The following NBN variants were observed in gnomAD, a reference collection of about 807,000 sequenced individuals.
NBN encodes Nijmegen breakage syndrome 1 (nibrin).
In NBN, 88 loss-of-function variants were observed where a neutral mutation model predicts 90.8. The ratio of observed to expected loss-of-function variants is 0.97; its 90% CI spans 0.82 to 1.16. The LOEUF is 1.16. Among genes scored for constraint, NBN ranks in the 50% most tolerant of loss-of-function variants. The pLI is 0.00. For missense variants in NBN, 894 were observed against 869.6 expected (o/e 1.03, Z -0.35); for synonymous variants, 328 against 295.1 (o/e 1.11, Z -1.14).
chr8:89,934,809 A>G lies in NBN; in HGVS notation c.*773T>C, dbSNP rs1158643429. On this transcript the variant is annotated 3_prime_UTR_variant, in exon 16 of 16. Coordinates refer to ENST00000265433, the MANE Select transcript of NBN (RefSeq NM_002485.5). ...GGTAGAAAAAGAAAACAATCTCACC[A>G]TTTCTACTTTATAAGTAGGAAAACT... 1.3e-5 allele frequency: 3 copies of G among 232,974 alleles called. No homozygotes were observed. The highest frequency in any genetic ancestry group is 2.5e-5 in the Non-Finnish European group (3 of 117,940). 14.4% of individuals were successfully genotyped at this position (232,974 alleles called of 1,614,324 possible).
At chr8:89,955,950 T>C (rs1325845784) in intron 9 of NBN, among the ~76,000 whole-genome samples, 2 of 151,746 alleles carry the variant, frequency 1.3e-5, no homozygotes, top group African/African-American at 4.8e-5. Flanking sequence ...TATTTATTAT[T>C]ATATTATTAT....
At chr8:89,955,139 A>G in intron 10 of NBN, 144 bp downstream of exon 10, 2 of 749,410 alleles carry the variant, frequency 2.7e-6, no homozygotes, top group East Asian at 2.6e-5. Flanking sequence ...GATCAGGGAC[A>G]TTTCTGAGAG....
At chr8:89,955,949 T>G (rs1284180313) in intron 9 of NBN, among the ~76,000 whole-genome samples, 1 of 151,758 alleles carries the variant, frequency 6.6e-6, no homozygotes, top group African/African-American at 2.4e-5. Context: ...TTATTTATTA[T>G]TATATTATTA....
chr8:89,944,564 T>C (rs1810102801), intron 13 of NBN, among the ~76,000 whole-genome samples: 1 of 152,148 alleles, frequency 6.6e-6, no homozygotes, highest in South Asian at 2.1e-4. Context: ...CTGTTGTCGG[T>C]AAATTCTTTT....
chr8:89,937,759 T>G (rs1809759918), intron 14 of NBN, among the ~76,000 whole-genome samples: 1 of 152,144 alleles, frequency 6.6e-6, no homozygotes, highest in Non-Finnish European at 1.5e-5. Flanking sequence ...CCATTTTACT[T>G]TCCTAATCAC....
At chr8:89,954,738 C>A (rs1037057056) in intron 10 of NBN, among the ~76,000 whole-genome samples, 1 of 151,996 alleles carries the variant, frequency 6.6e-6, no homozygotes, top group Admixed American at 6.6e-5. Flanking sequence ...AAGAAGTCCT[C>A]CAAAGTTCAT....
At chr8:89,944,480 C>T (rs925028506) in intron 13 of NBN, among the ~76,000 whole-genome samples, 1 of 152,220 alleles carries the variant, frequency 6.6e-6, no homozygotes, top group African/African-American at 2.4e-5. Flanking sequence ...GCTCAGTCCT[C>T]TCGCTGAGGC....
At chr8:89,958,576 C>T in intron 9 of NBN, 149 bp downstream of exon 9, 1 of 1,002,886 alleles carries the variant, frequency 1.0e-6, no homozygotes, top group Non-Finnish European at 1.5e-6. Context: ...ACCTGCTGAC[C>T]CTTGTCCTAA....
In NBN at chr8:89,940,036, C is replaced by T. The variant is rs375081053; in HGVS notation, c.2185-2961G>A. Among the ~76,000 whole-genome samples the T allele has an allele frequency of 3.5e-4, 53 of 152,174 alleles. 1 individual carries two copies. In the East Asian group the frequency reaches 6.0e-3, roughly 17 times the overall value. On this transcript the variant is annotated intron_variant, in intron 14 of 15. Transcript: ENST00000265433. ...GCCACTGACTGTTTCAGCATAATGCCATACTGACAGTGAGGCATGAGGGAA... is the reference window on the plus strand; with the variant it reads ...GCCACTGACTGTTTCAGCATAATGCTATACTGACAGTGAGGCATGAGGGAA...
chr8:89,984,059 T>G, intron 1 of NBN: 1 of 176,228 alleles, frequency 5.7e-6, no homozygotes, highest in Non-Finnish European at 1.2e-5. Context: ...GGAAAAGGAG[T>G]CTGAAACAAA....
At chr8:89,940,812 TAAC>T (rs1809906301) in intron 14 of NBN, among the ~76,000 whole-genome samples, 1 of 152,110 alleles carries the variant, frequency 6.6e-6, no homozygotes, top group Non-Finnish European at 1.5e-5. Context: ...AGAACCATAA[TAAC>T]AGCCTTTCAG....
chr8:89,972,926 GCTTT>G (rs1811582806), intron 5 of NBN, among the ~76,000 whole-genome samples: 1 of 152,206 alleles, frequency 6.6e-6, no homozygotes. Flanking sequence ...ATTATCTACA[GCTTT>G]CTATTATTCA....
chr8:89,941,729 G>T (rs1052464750), intron 14 of NBN, among the ~76,000 whole-genome samples: 2 of 152,034 alleles, frequency 1.3e-5, no homozygotes, highest in African/African-American at 4.8e-5. Context: ...CATTCTTTGT[G>T]TACTGCCATA....
intron 1 of NBN, among the ~76,000 whole-genome samples, chr8:89,983,078 TAAC>T (rs1812154280): frequency 6.6e-6 from 1 of 151,274 alleles, no homozygotes; most frequent in African/African-American, 2.4e-5. Flanking sequence ...GTTTCAGGAG[TAAC>T]AACAACAAAA....
intron 13 of NBN, 138 bp from the exon 14 acceptor site, chr8:89,943,504 G>A: frequency 1.1e-6 from 1 of 881,458 alleles, no homozygotes; most frequent in Non-Finnish European, 1.8e-6. Context: ...AAAAGTGAGA[G>A]CAGTAACTCT....
chr8:89,978,994 T>G (rs1586103181), intron 4 of NBN, among the ~76,000 whole-genome samples: 1 of 152,248 alleles, frequency 6.6e-6, no homozygotes, highest in Admixed American at 6.5e-5. Flanking sequence ...TTTTTTATTT[T>G]TGAGACAGGG....
intron 7 of NBN, among the ~76,000 whole-genome samples, chr8:89,965,024 G>C (rs1190154597): frequency 6.6e-6 from 1 of 152,010 alleles, no homozygotes; most frequent in Admixed American, 6.6e-5. Flanking sequence ...TGAGGCAAGA[G>C]AATCGCCTGA....
At chr8:89,943,435 T>C (rs1002789699) in intron 13 of NBN, 69 bp from the exon 14 acceptor site, 38 of 1,486,616 alleles carry the variant, frequency 2.6e-5, no homozygotes, top group Non-Finnish European at 3.5e-5. Context: ...TTTAAAAAGA[T>C]TAAAAAGCAA....
intron 11 of NBN, among the ~76,000 whole-genome samples, chr8:89,952,299 A>G (rs1219626841): frequency 6.6e-6 from 1 of 152,156 alleles, no homozygotes; most frequent in Non-Finnish European, 1.5e-5. Flanking sequence ...CTGAATGAAA[A>G]TCTCTGGGGC....
Sources: allele counts gnomAD v4.1 joint callset (sites outside exome capture counted in the v4.1 genomes callset), GRCh38; gene constraint gnomAD v4.1.1; transcripts MANE v1.5; gene names NCBI Gene and HGNC (gene_info 2026-07-23, HGNC 2026-07-21).